FLYWCH1: variants seen among roughly 807,000 people sequenced by gnomAD.
FLYWCH1 encodes FLYWCH-type zinc finger-containing protein 1.
In FLYWCH1, 75 loss-of-function variants were observed where a neutral mutation model predicts 66.4. The observed-to-expected ratio is 1.13, with a 90% CI of 0.94 to 1.37. The LOEUF (loss-of-function observed/expected upper bound fraction) is 1.37. Ranked by LOEUF, FLYWCH1 falls within the 40% of genes most tolerant of loss-of-function variation. FLYWCH1 has a pLI of 0.00. For synonymous variants in FLYWCH1, 595 were observed against 429.9 expected (o/e 1.38, Z -4.75); for missense variants, 1,334 against 1,001.8 (o/e 1.33, Z -4.48).
rs1296846048 is a variant in FLYWCH1 at position 2,933,998 on chromosome 16, G to A, written c.1513+19G>A. The A allele has an allele frequency of 2.0e-6, 3 of 1,502,492 alleles. No individual in the cohort carries two copies. The highest frequency in any genetic ancestry group is 2.5e-5 in the South Asian group (2 of 79,530). 93.1% of individuals were successfully genotyped at this position (1,502,492 alleles called of 1,614,324 possible). A position where few individuals can be genotyped will look rare whatever the true frequency, so the allele number is the denominator to read the frequency against. On this transcript the variant is annotated intron_variant, in intron 6 of 9. Coordinates refer to ENST00000253928, the MANE Select transcript of FLYWCH1 (RefSeq NM_001308068.2). ...AGCCCAGGTACCTGGGGGTGGGCTG[G>A]GAGCTGGGCCCCAGGAAGCAGGCAG...
At chr16:2,938,892 G>C (rs1344733309) in intron 8 of FLYWCH1, among the ~76,000 whole-genome samples, 1 of 150,424 alleles carries the variant, frequency 6.6e-6, no homozygotes. Context: ...GATTACAGGC[G>C]TGAGTCACTG....
At chr16:2,946,785 A>T (rs1054155389) in intron 9 of FLYWCH1, among the ~76,000 whole-genome samples, 1 of 152,174 alleles carries the variant, frequency 6.6e-6, no homozygotes, top group Non-Finnish European at 1.5e-5. Context: ...GGAAATGCAA[A>T]TCAAGACCAC....
At chr16:2,942,472 T>A (rs2071308044) in intron 9 of FLYWCH1, among the ~76,000 whole-genome samples, 1 of 152,048 alleles carries the variant, frequency 6.6e-6, no homozygotes, top group Non-Finnish European at 1.5e-5. Context: ...AAGACCAGTA[T>A]CACCCTGATA....
chr16:2,917,270 C>A (rs570015172), intron 2 of FLYWCH1, among the ~76,000 whole-genome samples: 1 of 149,324 alleles, frequency 6.7e-6, no homozygotes, highest in East Asian at 2.0e-4. Context: ...GCTCTTGTCA[C>A]CCAGGCTGGA....
At chr16:2,937,069 C>G (rs2071035321) in intron 6 of FLYWCH1, 52 bp from the exon 7 acceptor site, 6 of 1,260,320 alleles carry the variant, frequency 4.8e-6, no homozygotes, top group Non-Finnish European at 6.2e-6. Context: ...CCATGCTGAT[C>G]TGGGCTCTGA....
Position 2,930,754 on chromosome 16 carries a change from T to A in FLYWCH1, c.670T>A (p.Cys224Ser). ...EPLEGVGPWQ[C>S]PEEPEPTPGL... ...CCTGGAGGGGGTGGGCCCGTGGCAGTGCCCTGAGGAGCCCGAGCCCACTCC... is the reference window on the plus strand; with the variant it reads ...CCTGGAGGGGGTGGGCCCGTGGCAGAGCCCTGAGGAGCCCGAGCCCACTCC... Residue 224 changes from cysteine (C) to serine (S), a missense_variant, in exon 4 of 10, where the codon TGC (cysteine) becomes AGC (serine). Coordinates refer to ENST00000253928, the MANE Select transcript of FLYWCH1 (RefSeq NM_001308068.2). 1 of 1,569,398 alleles carries A rather than the reference T, an allele frequency of 6.4e-7. No individual in the cohort carries two copies. The highest frequency in any genetic ancestry group is 2.3e-5 in the East Asian group (1 of 42,596).
intron 6 of FLYWCH1, chr16:2,936,591 C>T (rs1207548165): frequency 2.2e-6 from 1 of 456,916 alleles, no homozygotes; most frequent in Non-Finnish European, 4.4e-6. Flanking sequence ...AGGGTATCCT[C>T]TGGGCAAGGC....
chr16:2,922,538 G>A (rs1308610809), intron 2 of FLYWCH1: 10 of 270,392 alleles, frequency 3.7e-5, no homozygotes, highest in Non-Finnish European at 2.2e-5. Flanking sequence ...CTGCCCTGGG[G>A]ACCTCATACA....
At chr16:2,926,704 G>A (rs2070579310) in intron 2 of FLYWCH1, among the ~76,000 whole-genome samples, 1 of 152,182 alleles carries the variant, frequency 6.6e-6, no homozygotes. Context: ...AAAGGTTATT[G>A]TAGAATTAAT....
chr16:2,934,244 T>G (rs2070902543), intron 6 of FLYWCH1, among the ~76,000 whole-genome samples: 1 of 152,126 alleles, frequency 6.6e-6, no homozygotes, highest in Non-Finnish European at 1.5e-5. Context: ...CTCCCTGCCC[T>G]CCTCTTCCTC....
chr16:2,927,556 T>A (rs555859223), intron 2 of FLYWCH1, among the ~76,000 whole-genome samples: 1 of 152,308 alleles, frequency 6.6e-6, no homozygotes, highest in South Asian at 2.1e-4. Context: ...CATAAAGCTA[T>A]CCTAATGGCT....
At chr16:2,915,901 A>C (rs765542443) in intron 2 of FLYWCH1, among the ~76,000 whole-genome samples, 3 of 152,166 alleles carry the variant, frequency 2.0e-5, no homozygotes. Flanking sequence ...GGCCTCTTCT[A>C]CAGTGGCCAA....
intron 2 of FLYWCH1, among the ~76,000 whole-genome samples, chr16:2,928,542 A>G (rs553897546): frequency 1.8e-4 from 27 of 152,316 alleles, no homozygotes; most frequent in African/African-American, 6.5e-4. Flanking sequence ...CCTTAAATCC[A>G]TTAAACCTTG....
chr16:2,938,354 A>G lies in FLYWCH1; in HGVS notation c.1948A>G (p.Ile650Val), dbSNP rs1253245996. Reference protein sequence around the residue: ...RSRAITQGHRIMVMRSHCHQP... With the variant: ...RSRAITQGHRVMVMRSHCHQP... ...CCGCGCCATAACCCAGGGCCACCGC[A>G]TCATGGTCATGCGCAGCCACTGCCA... Residue 650 changes from isoleucine (I) to valine (V), a missense_variant, in exon 8 of 10, where the codon ATC becomes GTC. Ile to Val is a conservative substitution (Grantham distance 29). Transcript: ENST00000253928. The G allele has an allele frequency of 2.5e-6, 4 of 1,598,580 alleles. No homozygotes were observed. The highest frequency in any genetic ancestry group is 3.4e-6 in the Non-Finnish European group (4 of 1,171,798).
At chr16:2,947,198 A>C (rs556276205) in intron 9 of FLYWCH1, among the ~76,000 whole-genome samples, 207 of 152,318 alleles carry the variant, frequency 1.4e-3, no homozygotes, top group African/African-American at 4.8e-3. Context: ...CCTTGAAAAC[A>C]CCATCTTAAA....
chr16:2,919,865 T>C (rs2070307799), intron 2 of FLYWCH1, among the ~76,000 whole-genome samples: 1 of 152,122 alleles, frequency 6.6e-6, no homozygotes, highest in African/African-American at 2.4e-5. Flanking sequence ...ATATGGAGTA[T>C]TGCTGCTGAG....
In FLYWCH1 at chr16:2,925,580, GA is replaced by G. The variant is rs1407591676; in HGVS notation, c.-73-4032del. 5.8e-4 allele frequency among the ~76,000 whole-genome samples: 72 copies of G among 124,924 alleles called. 2 individuals carry two copies. Among genetic ancestry groups the G allele is most frequent in the Admixed American group, 7.5e-4 (10 of 13,288 alleles). The allele number at this position is 124,924 out of a possible 152,430, so 82.0% of individuals were successfully genotyped here. On this transcript the variant is annotated intron_variant, in intron 2 of 9. Transcript: ENST00000253928. ...CGCGGGGTAGGGGGAGTTGCGGGGGGAGGGGGGTACGGGGCTTTCCGCCCTA... is the reference window on the plus strand; with the variant it reads ...CGCGGGGTAGGGGGAGTTGCGGGGGGGGGGGGTACGGGGCTTTCCGCCCTA...
chr16:2,921,173 T>C (rs2070361809), intron 2 of FLYWCH1, among the ~76,000 whole-genome samples: 1 of 152,202 alleles, frequency 6.6e-6, no homozygotes, highest in African/African-American at 2.4e-5. Flanking sequence ...TCCTGAGATA[T>C]AATTTACATA....
chr16:2,920,066 T>C (rs1179489535), intron 2 of FLYWCH1, among the ~76,000 whole-genome samples: 2 of 152,104 alleles, frequency 1.3e-5, no homozygotes, highest in East Asian at 3.8e-4. Flanking sequence ...TGGAAGTAGT[T>C]GTGCATTTGA....
Sources: allele counts gnomAD v4.1 joint callset (sites outside exome capture counted in the v4.1 genomes callset), GRCh38; gene constraint gnomAD v4.1.1; transcripts MANE v1.5; gene names NCBI Gene and HGNC (gene_info 2026-07-23, HGNC 2026-07-21).